The following EHBP1 variants were observed in gnomAD, a reference collection of about 807,000 sequenced individuals.
EHBP1 encodes the protein EH domain binding protein 1.
A neutral mutation model predicts 144.0 loss-of-function variants in EHBP1; 55 were observed. The observed-to-expected ratio is 0.38, with a 90% CI of 0.31 to 0.48. The LOEUF (loss-of-function observed/expected upper bound fraction) is 0.48. EHBP1 is among the 20% of genes least tolerant of loss of function. The pLI, the probability that EHBP1 is intolerant of heterozygous loss-of-function variation, is 0.98. For synonymous variants in EHBP1, 469 were observed against 472.7 expected (o/e 0.99, Z 0.10); for missense variants, 1,200 against 1,364.2 (o/e 0.88, Z 1.90).
chr2:62,727,442 C>A (rs1476703676), intron 2 of EHBP1, among the ~76,000 whole-genome samples: 1 of 152,074 alleles, frequency 6.6e-6, no homozygotes, highest in African/African-American at 2.4e-5. Flanking sequence ...GTGAAAAAAT[C>A]CCGTACCTGT....
At position 63,007,541 on chromosome 2, in the gene EHBP1, A is replaced by G. The variant is rs550977065; in HGVS notation, c.3103+10775A>G. Among the ~76,000 whole-genome samples, 78 of 151,844 alleles carry G rather than the reference A, an allele frequency of 5.1e-4. 1 individual carries two copies. The highest frequency in any genetic ancestry group is 1.8e-3 in the African/African-American group (75 of 41,506). On this transcript the variant is annotated intron_variant, in intron 19 of 22. Transcript: ENST00000431489. ...GGTATGAATTTGGGCATGCCTGTTC[A>G]CCTACTTTCCCTTTAAATGCAGTTT...
At chr2:62,723,748 G>A (rs1264300542) in intron 2 of EHBP1, among the ~76,000 whole-genome samples, 1 of 152,204 alleles carries the variant, frequency 6.6e-6, no homozygotes, top group African/African-American at 2.4e-5. Context: ...GCTTAGTTTG[G>A]TGAGACATGA....
intron 1 of EHBP1, among the ~76,000 whole-genome samples, chr2:62,689,367 G>A (rs1242419094): frequency 6.6e-5 from 10 of 152,208 alleles, no homozygotes; most frequent in Non-Finnish European, 1.5e-4. Context: ...TTTAGGCTTG[G>A]TGTGGTGGCT....
intron 2 of EHBP1, among the ~76,000 whole-genome samples, chr2:62,732,001 C>T (rs1366316785): frequency 6.6e-6 from 1 of 152,042 alleles, no homozygotes; most frequent in African/African-American, 2.4e-5. Context: ...GGTACATTTC[C>T]ACTCCCATTA....
chr2:62,776,199 T>C (rs1482091346), intron 5 of EHBP1, among the ~76,000 whole-genome samples: 1 of 152,196 alleles, frequency 6.6e-6, no homozygotes, highest in Non-Finnish European at 1.5e-5. Flanking sequence ...TATTTTCATT[T>C]TATTGGTTCT....
chr2:62,926,666 GAC>G (rs1258364389), intron 10 of EHBP1, among the ~76,000 whole-genome samples: 1 of 151,804 alleles, frequency 6.6e-6, no homozygotes, highest in African/African-American at 2.4e-5. Flanking sequence ...TTATCAAAAA[GAC>G]AAAAACAACA....
At chr2:62,746,382 G>A (rs536166899) in intron 2 of EHBP1, among the ~76,000 whole-genome samples, 2 of 151,952 alleles carry the variant, frequency 1.3e-5, no homozygotes, top group African/African-American at 2.4e-5. Flanking sequence ...GGCCTCTTAT[G>A]TGTGTGTATA....
At chr2:62,904,295 T>G (rs1326432394) in intron 10 of EHBP1, among the ~76,000 whole-genome samples, 1 of 152,188 alleles carries the variant, frequency 6.6e-6, no homozygotes, top group African/African-American at 2.4e-5. Context: ...ATAAACCCTG[T>G]GTAGTGGTCT....
chr2:62,737,390 A>C (rs1219419628), intron 2 of EHBP1, among the ~76,000 whole-genome samples: 2 of 152,018 alleles, frequency 1.3e-5, no homozygotes, highest in East Asian at 1.9e-4. Flanking sequence ...TGGAGTTTTT[A>C]TCTCTCAGAC....
chr2:62,751,956 T>G (rs1395653073), intron 3 of EHBP1, among the ~76,000 whole-genome samples: 4 of 152,100 alleles, frequency 2.6e-5, no homozygotes, highest in Non-Finnish European at 5.9e-5. Flanking sequence ...ATTTTTTTTT[T>G]GAAGGGTTTT....
chr2:62,830,144 A>G (rs983245704), intron 6 of EHBP1, among the ~76,000 whole-genome samples: 9 of 128,380 alleles, frequency 7.0e-5, no homozygotes, highest in Non-Finnish European at 9.9e-5. Context: ...ATATATATAT[A>G]TATATATAGA....
intron 3 of EHBP1, among the ~76,000 whole-genome samples, chr2:62,747,733 C>T (rs113559877): frequency 0.02 from 3,006 of 151,784 alleles, 72 homozygotes; most frequent in African/African-American, 0.06. Context: ...AAAGTAATTG[C>T]GGTTTTGCCT....
At chr2:62,927,958 A>G (rs1010947056) in intron 10 of EHBP1, among the ~76,000 whole-genome samples, 2 of 152,240 alleles carry the variant, frequency 1.3e-5, no homozygotes, top group Admixed American at 1.3e-4. Context: ...CTGAAAAAAA[A>G]TCACAAATAT....
At chr2:62,833,926 T>A (rs564409394) in intron 7 of EHBP1, among the ~76,000 whole-genome samples, 9 of 152,032 alleles carry the variant, frequency 5.9e-5, no homozygotes, top group Non-Finnish European at 1.2e-4. Flanking sequence ...TCAACAGGAG[T>A]TTGGAAGACA....
At chr2:62,994,547 G>A (rs910944400) in intron 18 of EHBP1, among the ~76,000 whole-genome samples, 5 of 152,084 alleles carry the variant, frequency 3.3e-5, no homozygotes, top group East Asian at 1.9e-4. Context: ...TTGATAGACC[G>A]CAGGGAGAAA....
In EHBP1 at chr2:62,847,194, C is replaced by T. The variant is rs987542341; in HGVS notation, c.635-11975C>T. ...GGCCAATTAATTTCAACAAAGTTGT[C>T]AGCATAATCCAGTGGGGGAAAAGGT... is the stretch of plus-strand genomic sequence containing the variant. On this transcript the variant is annotated intron_variant, in intron 7 of 22. Transcript: ENST00000431489. 3.9e-5 allele frequency among the ~76,000 whole-genome samples: 6 copies of T among 152,264 alleles called. No individual in the cohort carries two copies. In the Middle Eastern group the frequency reaches 0.01, roughly 259 times the overall value.
In EHBP1 at chr2:62,908,279, A is replaced by C. The variant is rs140016706; in HGVS notation, c.1185+33747A>C. On this transcript the variant is annotated intron_variant, in intron 10 of 22. Transcript: ENST00000431489. The stretch of plus-strand genomic sequence containing the variant: ...TTATTTAAATCTTGTTGATATCTGT[A>C]GAATCTGTAGTGATATTACCTCTCT... 2.6e-5 allele frequency among the ~76,000 whole-genome samples: 4 copies of C among 152,294 alleles called. No individual in the cohort carries two copies. In the East Asian group the frequency reaches 7.7e-4, roughly 29 times the overall value.
Position 62,688,518 on chromosome 2 carries a change from G to GTTA in EHBP1, c.-296+14442_-296+14444dup, listed in dbSNP as rs1398520264. On this transcript the variant is annotated intron_variant, in intron 1 of 22. Transcript: ENST00000405015. ...ATCCTCCTTCTATTTAAAACTACAT[G>GTTA]TTATTATTAAATGCAGTCATCCTGC... Among the ~76,000 whole-genome samples the GTTA allele has an allele frequency of 9.9e-5, 15 of 152,150 alleles. No homozygotes were observed. In the Middle Eastern group the frequency reaches 0.01, roughly 104 times the overall value.
intron 15 of EHBP1, among the ~76,000 whole-genome samples, chr2:62,989,037 G>A (rs2059310223): frequency 6.6e-6 from 1 of 152,060 alleles, no homozygotes; most frequent in African/African-American, 2.4e-5. Flanking sequence ...TCATGGCCGG[G>A]TGTTAAATTA....
Sources: gnomAD v4.1 joint callset for allele counts (sites outside exome capture counted in the v4.1 genomes callset) on GRCh38, gnomAD v4.1.1 for gene constraint, MANE v1.5 for transcripts, NCBI Gene and HGNC (gene_info 2026-07-23, HGNC 2026-07-21) for gene names.